Variants in ARK2N observed in about 807,000 individuals in gnomAD.
ARK2N encodes arkadia (RNF111) N-terminal like PKA signaling regulator 2N.
the ARK2N span, among the ~76,000 whole-genome samples, chr18:46,204,539 A>G: frequency 6.6e-6 from 1 of 152,232 alleles, no homozygotes; most frequent in African/African-American, 2.4e-5. Context: ...CATGGAATTC[A>G]TGAATTATCT....
chr18:46,207,063 G>A, the ARK2N span, among the ~76,000 whole-genome samples: 1 of 151,924 alleles, frequency 6.6e-6, no homozygotes, highest in African/African-American at 2.4e-5. Flanking sequence ...GGCATGAGCC[G>A]CTGAACCTGG....
At chr18:46,179,112 T>G in the ARK2N span, among the ~76,000 whole-genome samples, 2 of 151,756 alleles carry the variant, frequency 1.3e-5, no homozygotes, top group East Asian at 3.9e-4. Context: ...CCAGCTAATT[T>G]TTTATATTTT....
chr18:46,248,427 A>C, the ARK2N span, among the ~76,000 whole-genome samples: 1 of 152,186 alleles, frequency 6.6e-6, no homozygotes, highest in Non-Finnish European at 1.5e-5. Context: ...TAAGATGGCA[A>C]AAAATGGATG....
chr18:46,262,847 A>G, the ARK2N span: 7 of 1,383,702 alleles, frequency 5.1e-6, no homozygotes, highest in South Asian at 1.3e-5. Flanking sequence ...AAAAATGTTG[A>G]TAAGTACAAC....
At chr18:46,258,972 T>C in the ARK2N span, among the ~76,000 whole-genome samples, 2 of 152,132 alleles carry the variant, frequency 1.3e-5, no homozygotes, top group African/African-American at 4.8e-5. Context: ...GAAATATTTC[T>C]CTAGCACCCT....
At chr18:46,208,223 A>T in the ARK2N span, among the ~76,000 whole-genome samples, 1 of 152,062 alleles carries the variant, frequency 6.6e-6, no homozygotes, top group East Asian at 1.9e-4. Flanking sequence ...CCTCTGATAA[A>T]CTTCAGTACT....
the ARK2N span, among the ~76,000 whole-genome samples, chr18:46,219,473 CTT>C: frequency 1.1e-3 from 154 of 138,726 alleles, no homozygotes; most frequent in Middle Eastern, 7.4e-3. Flanking sequence ...CAAGTGATTT[CTT>C]TTTTTTTTTT....
the ARK2N span, chr18:46,263,127 C>G: frequency 6.3e-7 from 1 of 1,592,096 alleles, no homozygotes; most frequent in Non-Finnish European, 8.6e-7. Context: ...AATACAATGT[C>G]ACTGTGTTTC....
At chr18:46,251,526 T>G in the ARK2N span, among the ~76,000 whole-genome samples, 4,803 of 152,250 alleles carry the variant, frequency 0.032, 233 homozygotes, top group African/African-American at 0.1. Context: ...GGAGCCATTC[T>G]AAGCATTAAA....
the ARK2N span, among the ~76,000 whole-genome samples, chr18:46,180,291 CAATT>C: frequency 1.7e-4 from 26 of 152,242 alleles, no homozygotes; most frequent in African/African-American, 5.5e-4. Flanking sequence ...AGTTAAGTGA[CAATT>C]AATCTAAAGT....
chr18:46,258,468 C>T, the ARK2N span, among the ~76,000 whole-genome samples: 3 of 152,260 alleles, frequency 2.0e-5, no homozygotes, highest in African/African-American at 7.2e-5. Context: ...GCACACACTT[C>T]ATTTCCACTG....
chr18:46,255,699 C>T, the ARK2N span, among the ~76,000 whole-genome samples: 287 of 151,314 alleles, frequency 1.9e-3, 2 homozygotes, highest in Middle Eastern at 0.02. Flanking sequence ...GATCCACCCA[C>T]CTCGGCCTCC....
the ARK2N span, among the ~76,000 whole-genome samples, chr18:46,197,472 G>A: frequency 6.6e-6 from 1 of 152,150 alleles, no homozygotes; most frequent in Non-Finnish European, 1.5e-5. Flanking sequence ...GACCTTAAGG[G>A]ATCCACCCAC....
At chr18:46,258,007 A>G in the ARK2N span, among the ~76,000 whole-genome samples, 1 of 151,504 alleles carries the variant, frequency 6.6e-6, no homozygotes, top group African/African-American at 2.4e-5. Context: ...GCTCACTGCA[A>G]CCTCTGCCTC....
the ARK2N span, chr18:46,217,577 C>T: frequency 6.6e-6 from 1 of 152,130 alleles, no homozygotes; most frequent in Non-Finnish European, 1.5e-5. Flanking sequence ...CATGTGAAGA[C>T]AGCATATTGC....
the ARK2N span, among the ~76,000 whole-genome samples, chr18:46,201,600 G>A: frequency 6.6e-6 from 1 of 151,992 alleles, no homozygotes; most frequent in Non-Finnish European, 1.5e-5. Context: ...TAATAAGGAA[G>A]TAGTATCAAA....
the ARK2N span, among the ~76,000 whole-genome samples, chr18:46,214,970 G>C: frequency 6.6e-6 from 1 of 152,138 alleles, no homozygotes; most frequent in Admixed American, 6.6e-5. Context: ...GTATTTGGTT[G>C]CTCATTTGCC....
the ARK2N span, among the ~76,000 whole-genome samples, chr18:46,208,423 G>A: frequency 6.7e-6 from 1 of 150,148 alleles, no homozygotes; most frequent in African/African-American, 2.4e-5. Flanking sequence ...AGATAAATCA[G>A]CTGGGGTGGT....
the ARK2N span, among the ~76,000 whole-genome samples, chr18:46,226,546 A>G: frequency 3.3e-5 from 5 of 152,350 alleles, no homozygotes; most frequent in East Asian, 1.9e-4. Context: ...TCCTCAAACT[A>G]AAAATAAATG....
Sources: gnomAD v4.1 joint callset for allele counts (sites outside exome capture counted in the v4.1 genomes callset) on GRCh38, gnomAD v4.1.1 for gene constraint, MANE v1.5 for transcripts, NCBI Gene and HGNC (gene_info 2026-07-23, HGNC 2026-07-21) for gene names.